ST6GALNAC3: variants seen among roughly 807,000 people sequenced by gnomAD.
ST6GALNAC3 encodes alpha-N-acetylgalactosaminide alpha-2,6-sialyltransferase 3.
A neutral mutation model predicts 32.7 loss-of-function variants in ST6GALNAC3; 25 were observed. The ratio of observed to expected loss-of-function variants is 0.76; its 90% CI spans 0.56 to 1.07. The LOEUF is 1.07. Ranked by LOEUF, ST6GALNAC3 falls within the 50% of genes least tolerant of loss-of-function variation. The pLI, the probability that ST6GALNAC3 is intolerant of heterozygous loss-of-function variation, is 0.00. For synonymous variants in ST6GALNAC3, 129 were observed against 133.1 expected, an observed-to-expected ratio of 0.97 and a Z score of 0.21; for missense variants, 355 against 382.4, an observed-to-expected ratio of 0.93 and a Z score of 0.60.
At chr1:76,148,237 C>T (rs773035778) in intron 1 of ST6GALNAC3, among the ~76,000 whole-genome samples, 15 of 152,286 alleles carry the variant, frequency 9.8e-5, no homozygotes, top group Non-Finnish European at 1.5e-4. Flanking sequence ...AGGCTATTAA[C>T]GAGAATTTTT....
At chr1:76,125,954 A>G (rs1649210572) in intron 1 of ST6GALNAC3, among the ~76,000 whole-genome samples, 1 of 152,226 alleles carries the variant, frequency 6.6e-6, no homozygotes, top group Non-Finnish European at 1.5e-5. Flanking sequence ...CGGGCCCTGC[A>G]GAAAGCCATA....
chr1:76,606,856 GTT>G (rs545990475), intron 3 of ST6GALNAC3, among the ~76,000 whole-genome samples: 55 of 136,400 alleles, frequency 4.0e-4, no homozygotes, highest in Middle Eastern at 3.8e-3. Flanking sequence ...AAATGTGTGG[GTT>G]TTTTTTTTTT....
intron 2 of ST6GALNAC3, among the ~76,000 whole-genome samples, chr1:76,369,436 T>C (rs1250258709): frequency 1.3e-5 from 2 of 152,224 alleles, no homozygotes; most frequent in African/African-American, 2.4e-5. Context: ...GATTTACCAG[T>C]AGTAACTTAA....
At chr1:76,151,653 T>A (rs888963709) in intron 1 of ST6GALNAC3, among the ~76,000 whole-genome samples, 3 of 151,646 alleles carry the variant, frequency 2.0e-5, no homozygotes, top group African/African-American at 7.3e-5. Context: ...TGCCTCTGAG[T>A]GATCACACCT....
At chr1:76,574,142 A>C (rs1209481654) in intron 3 of ST6GALNAC3, among the ~76,000 whole-genome samples, 2 of 152,114 alleles carry the variant, frequency 1.3e-5, no homozygotes, top group Non-Finnish European at 2.9e-5. Flanking sequence ...ATTCAATACA[A>C]AGTAGCCAAA....
intron 1 of ST6GALNAC3, among the ~76,000 whole-genome samples, chr1:76,230,858 C>T (rs1197488088): frequency 1.3e-5 from 2 of 152,178 alleles, no homozygotes; most frequent in African/African-American, 2.4e-5. Flanking sequence ...TGTGCACTGT[C>T]CTTAGTGCTT....
chr1:76,323,208 G>C (rs1044185664), intron 2 of ST6GALNAC3, among the ~76,000 whole-genome samples: 1 of 151,836 alleles, frequency 6.6e-6, no homozygotes, highest in African/African-American at 2.4e-5. Flanking sequence ...GATTAAGAAT[G>C]AATAAAATAC....
At chr1:76,588,613 T>C (rs1247766451) in intron 3 of ST6GALNAC3, among the ~76,000 whole-genome samples, 1 of 152,152 alleles carries the variant, frequency 6.6e-6, no homozygotes, top group Non-Finnish European at 1.5e-5. Context: ...GGAAACACCA[T>C]TTGGGGGCTC....
chr1:76,544,221 A>T (rs1339645677), intron 3 of ST6GALNAC3, among the ~76,000 whole-genome samples: 2 of 152,142 alleles, frequency 1.3e-5, no homozygotes, highest in East Asian at 3.8e-4. Flanking sequence ...CTTAAAATTA[A>T]TGCTTCCACT....
chr1:76,496,326 AT>A (rs1660845778), intron 3 of ST6GALNAC3, among the ~76,000 whole-genome samples: 1 of 152,186 alleles, frequency 6.6e-6, no homozygotes. Flanking sequence ...GCAGAAGGCA[AT>A]TATGTAACCA....
rs77439242 is a variant in ST6GALNAC3, at chr1:76,271,684, T to A, written c.19-42121T>A. Among the ~76,000 whole-genome samples, 22 of 152,314 alleles carry A rather than the reference T, an allele frequency of 1.4e-4. No homozygotes were observed. In the East Asian group the frequency reaches 4.2e-3, roughly 29 times the overall value. ...TTAGGTGTCCTTGATTAAGTGATAG[T>A]TGAGTGACAGTGACAACTTTATTTA... On this transcript the variant is annotated intron_variant, in intron 1 of 4. Transcript: ENST00000328299.
At chr1:76,441,291 T>C (rs1454475184) in intron 3 of ST6GALNAC3, among the ~76,000 whole-genome samples, 1 of 152,144 alleles carries the variant, frequency 6.6e-6, no homozygotes, top group Non-Finnish European at 1.5e-5. Flanking sequence ...GTGTAGTTTA[T>C]TACCTACATT....
chr1:76,494,468 T>TATATACAC (rs1472545640), intron 3 of ST6GALNAC3, among the ~76,000 whole-genome samples: 3,520 of 59,354 alleles, frequency 0.059, 560 homozygotes, highest in Non-Finnish European at 0.077. Flanking sequence ...TATATATATA[T>TATATACAC]ACACACACAC....
At chr1:76,291,761 A>G (rs1195493706) in intron 1 of ST6GALNAC3, among the ~76,000 whole-genome samples, 2 of 152,260 alleles carry the variant, frequency 1.3e-5, no homozygotes, top group Non-Finnish European at 2.9e-5. Context: ...TTAATAAAAA[A>G]AAAGGGAGGG....
At chr1:76,200,676 G>GA (rs1360424040) in intron 1 of ST6GALNAC3, among the ~76,000 whole-genome samples, 3 of 152,086 alleles carry the variant, frequency 2.0e-5, no homozygotes, top group South Asian at 2.1e-4. Context: ...ACATTTTTCT[G>GA]AAAAAATATA....
At chr1:76,423,128 G>A (rs899796283) in intron 3 of ST6GALNAC3, among the ~76,000 whole-genome samples, 1 of 151,976 alleles carries the variant, frequency 6.6e-6, no homozygotes, top group Non-Finnish European at 1.5e-5. Flanking sequence ...GTATGAGTTA[G>A]TCATTTTCCT....
Position 76,628,620 on chromosome 1 carries a change from G to A in ST6GALNAC3, c.732G>A (p.Lys244=), listed in dbSNP as rs780671664. ...VYGMINDTYC[K]TEGYRKVPYH... ...CCTTTTCTTTTTTTTTCTTTTCTAG[G>A]ACAGAAGGGTATAGAAAAGTCCCCT... The change falls in exon 5 of 5, where the codon AAG becomes AAA. Residue 244 remains lysine, a splice_region_variant and synonymous_variant. Coordinates refer to ENST00000328299, the MANE Select transcript of ST6GALNAC3 (RefSeq NM_152996.4). The A allele has an allele frequency of 1.3e-6, 2 of 1,589,780 alleles. No individual in the cohort carries two copies. The highest frequency in any genetic ancestry group is 2.3e-5 in the South Asian group (2 of 87,398).
chr1:76,246,306 T>C (rs976925360), intron 1 of ST6GALNAC3, among the ~76,000 whole-genome samples: 3 of 152,198 alleles, frequency 2.0e-5, no homozygotes, highest in African/African-American at 7.2e-5. Flanking sequence ...TGTGTGTCTT[T>C]GCACGTAAGA....
At chr1:76,389,894 G>A (rs1023808581) in intron 2 of ST6GALNAC3, among the ~76,000 whole-genome samples, 5 of 151,942 alleles carry the variant, frequency 3.3e-5, no homozygotes, top group Admixed American at 6.6e-5. Flanking sequence ...TTATTATTAC[G>A]CCTTTTTTGG....
Sources: allele counts gnomAD v4.1 joint callset (sites outside exome capture counted in the v4.1 genomes callset), GRCh38; gene constraint gnomAD v4.1.1; transcripts MANE v1.5; gene names NCBI Gene and HGNC (gene_info 2026-07-23, HGNC 2026-07-21).